SNX29: variants seen among roughly 807,000 people sequenced by gnomAD.
SNX29 encodes the protein sorting nexin-29.
A neutral mutation model predicts 102.1 loss-of-function variants in SNX29; 78 were observed. That is an observed-to-expected ratio of 0.76 (90% CI 0.64 to 0.92). SNX29 has a LOEUF of 0.92. SNX29 is among the 40% of genes least tolerant of loss of function. The pLI is 0.00. For synonymous variants in SNX29, 580 were observed against 414.5 expected (o/e 1.40, Z -4.85); for missense variants, 1,280 against 1,061.7 (o/e 1.21, Z -2.86).
rs138572412 is a variant in SNX29 at position 12,052,011 on chromosome 16, T to C, written c.913T>C (p.Ser305Pro). Reference sequence around the variant, plus strand: ...CGACCGCTCCTCTGTCAATATCATGTCCGCCTTTGAAAGCCCCTTCGGGCC... The same window carrying C: ...CGACCGCTCCTCTGTCAATATCATGCCCGCCTTTGAAAGCCCCTTCGGGCC... ...NSDRSSVNIM[S>P]AFESPFGPNS... Residue 305 changes from serine (S) to proline (P), a missense_variant, in exon 8 of 21, where the codon TCC becomes CCC. Ser to Pro is a moderately conservative substitution (Grantham distance 74). Transcript: ENST00000566228. The C allele has an allele frequency of 1.1e-3, 1,754 of 1,613,972 alleles. 1 individual carries two copies. The highest frequency in any genetic ancestry group is 1.4e-3 in the Non-Finnish European group (1,615 of 1,179,860).
chr16:12,079,309 C>T (rs910578474), intron 11 of SNX29, among the ~76,000 whole-genome samples: 1 of 152,216 alleles, frequency 6.6e-6, no homozygotes, highest in African/African-American at 2.4e-5. Flanking sequence ...TGCTAATGAT[C>T]AGGCTTCAAC....
intron 1 of SNX29, among the ~76,000 whole-genome samples, chr16:11,989,588 C>A (rs886377960): frequency 6.6e-6 from 1 of 152,244 alleles, no homozygotes; most frequent in Admixed American, 6.5e-5. Flanking sequence ...CCGTTGTGCC[C>A]TGGCCAGTTC....
At chr16:12,155,762 T>C (rs1487718680) in intron 13 of SNX29, among the ~76,000 whole-genome samples, 3 of 151,628 alleles carry the variant, frequency 2.0e-5, no homozygotes, top group Non-Finnish European at 2.9e-5. Context: ...TCCTGGAGAG[T>C]CTACAACCAC....
intron 14 of SNX29, among the ~76,000 whole-genome samples, chr16:12,227,975 A>G (rs558189648): frequency 1.0e-4 from 15 of 144,084 alleles, no homozygotes; most frequent in African/African-American, 3.8e-4. Flanking sequence ...GTCACCTGGG[A>G]GCATGTTAGA....
chr16:12,144,486 C>T (rs530447126), intron 13 of SNX29, among the ~76,000 whole-genome samples: 1 of 152,262 alleles, frequency 6.6e-6, no homozygotes, highest in East Asian at 1.9e-4. Flanking sequence ...CGCTCCACCC[C>T]CCATGGAGGG....
intron 18 of SNX29, among the ~76,000 whole-genome samples, chr16:12,415,295 A>T: frequency 6.6e-6 from 1 of 152,224 alleles, no homozygotes; most frequent in Non-Finnish European, 1.5e-5. Flanking sequence ...CAGGACCCCA[A>T]TAATGGCTGA....
At chr16:12,061,779 A>G in intron 9 of SNX29, 133 bp downstream of exon 9, 1 of 709,446 alleles carries the variant, frequency 1.4e-6, no homozygotes, top group Non-Finnish European at 2.4e-6. Flanking sequence ...GTTCAGGGCC[A>G]GGGGGAGCTC....
At chr16:12,188,363 C>T (rs1020789831) in intron 13 of SNX29, among the ~76,000 whole-genome samples, 11 of 152,178 alleles carry the variant, frequency 7.2e-5, no homozygotes, top group African/African-American at 1.4e-4. Context: ...CAAGCATTCC[C>T]GTCAGGGCTG....
At chr16:12,014,533 G>C (rs1378496882) in intron 3 of SNX29, among the ~76,000 whole-genome samples, 1 of 151,936 alleles carries the variant, frequency 6.6e-6, no homozygotes, top group Non-Finnish European at 1.5e-5. Flanking sequence ...AGGAGTTGGA[G>C]ACCCGCCTGA....
rs146388945 is a variant in SNX29 at position 12,272,228 on chromosome 16, GGTGCCTTGGGGACGGGGCTA to G, written c.1679-5691_1679-5672del. ...TCTTAAATATAGTCCTAGAGGGGCT[GGTGCCTTGGGGACGGGGCTA>G]GTGCCTTGGGGACAGGAGGCCAGTG... On this transcript the variant is annotated intron_variant, in intron 14 of 20. Coordinates refer to ENST00000566228, the MANE Select transcript of SNX29 (RefSeq NM_032167.5). Among the ~76,000 whole-genome samples the G allele has an allele frequency of 1.5e-3, 221 of 152,272 alleles. 1 individual carries two copies. The highest frequency in any genetic ancestry group is 4.9e-3 in the African/African-American group (202 of 41,536).
intron 20 of SNX29, among the ~76,000 whole-genome samples, chr16:12,529,112 C>G (rs1057337182): frequency 6.6e-6 from 1 of 152,204 alleles, no homozygotes; most frequent in African/African-American, 2.4e-5. Context: ...TTTTTCCTCC[C>G]AGTCTCTGTG....
At chr16:12,463,320 G>T (rs577796852) in intron 18 of SNX29, among the ~76,000 whole-genome samples, 4 of 152,194 alleles carry the variant, frequency 2.6e-5, no homozygotes, top group Non-Finnish European at 5.9e-5. Flanking sequence ...TCATGCTGCT[G>T]ATAAAGACAT....
chr16:11,998,343 C>CTG (rs1166427181), intron 1 of SNX29, among the ~76,000 whole-genome samples: 1 of 152,134 alleles, frequency 6.6e-6, no homozygotes, highest in Non-Finnish European at 1.5e-5. Flanking sequence ...TACCAACTGT[C>CTG]TGCCTGGTGC....
intron 13 of SNX29, among the ~76,000 whole-genome samples, chr16:12,169,617 T>A (rs1033307489): frequency 1.3e-5 from 2 of 152,112 alleles, no homozygotes; most frequent in Non-Finnish European, 2.9e-5. Flanking sequence ...CCCAGCACTC[T>A]GGGAGGCCAA....
chr16:12,193,280 A>AC (rs1394676710), intron 13 of SNX29, among the ~76,000 whole-genome samples: 1 of 151,976 alleles, frequency 6.6e-6, no homozygotes, highest in East Asian at 1.9e-4. Flanking sequence ...TACCAGCCTG[A>AC]CCAACATGGC....
At chr16:12,442,919 G>A (rs922081312) in intron 18 of SNX29, 3 of 434,314 alleles carry the variant, frequency 6.9e-6, no homozygotes, top group African/African-American at 6.2e-5. Context: ...TTTTTTTCTG[G>A]TTTGACACTG....
At chr16:12,549,601 C>T (rs1000008671) in intron 20 of SNX29, among the ~76,000 whole-genome samples, 1 of 152,186 alleles carries the variant, frequency 6.6e-6, no homozygotes, top group East Asian at 1.9e-4. Flanking sequence ...CCTTTTTCTA[C>T]TCCAGAGTCC....
intron 1 of SNX29, among the ~76,000 whole-genome samples, chr16:11,981,751 G>A (rs1296523410): frequency 6.6e-6 from 1 of 152,142 alleles, no homozygotes; most frequent in African/African-American, 2.4e-5. Context: ...AGATAAATGG[G>A]TATCATGAGG....
At chr16:12,558,977 G>T (rs1341414221) in intron 20 of SNX29, among the ~76,000 whole-genome samples, 2 of 152,308 alleles carry the variant, frequency 1.3e-5, no homozygotes, top group African/African-American at 4.8e-5. Context: ...GGGATTCAGA[G>T]ACTTTAAAGA....
Sources: gnomAD v4.1 joint callset for allele counts (sites outside exome capture counted in the v4.1 genomes callset) on GRCh38, gnomAD v4.1.1 for gene constraint, MANE v1.5 for transcripts, NCBI Gene and HGNC (gene_info 2026-07-23, HGNC 2026-07-21) for gene names.